Variants in RBM4 observed in about 807,000 individuals in gnomAD.
RBM4 encodes the protein RNA-binding protein 4.
A neutral mutation model predicts 29.5 loss-of-function variants in RBM4; 7 were observed. The observed-to-expected ratio is 0.24, with a 90% CI of 0.14 to 0.45. The LOEUF is 0.45. Ranked by LOEUF, RBM4 falls within the 20% of genes least tolerant of loss-of-function variation. The pLI is 1.00. For synonymous variants in RBM4, 220 were observed against 205.4 expected, an observed-to-expected ratio of 1.07 and a Z score of -0.61; for missense variants, 387 against 502.3, an observed-to-expected ratio of 0.77 and a Z score of 2.19.
At chr11:66,660,259 A>G (rs1417425764) in intron 2 of RBM4, among the ~76,000 whole-genome samples, 2 of 149,376 alleles carry the variant, frequency 1.3e-5, no homozygotes, top group East Asian at 2.0e-4. Context: ...AGCTTAGTAG[A>G]TATGTCCTCC....
In RBM4 at chr11:66,643,345, A is replaced by G; in HGVS notation, c.413-105A>G. The G allele has an allele frequency of 2.1e-6, 3 of 1,406,872 alleles. No homozygotes were observed. Among genetic ancestry groups the G allele is most frequent in the Non-Finnish European group, 2.9e-6 (3 of 1,046,746 alleles). 87.1% of individuals were successfully genotyped at this position (1,406,872 alleles called of 1,614,324 possible). On this transcript the variant is annotated intron_variant, in intron 2 of 3. Coordinates refer to ENST00000310092, the MANE Select transcript of RBM4 (RefSeq NM_002896.4). This position sits in a 1 kb window ranked among gnomAD's most constrained non-coding sequence, Gnocchi z 6.1. ...ATCTTTTCCTAAAGATGAGTCCTGC[A>G]TTAGAATTGTCTAGATAAAGCCATT... is the stretch of plus-strand genomic sequence containing the variant.
chr11:66,639,619 C>T (rs994698181), intron 1 of RBM4, 81 bp from the exon 2 acceptor site: 138 of 1,505,642 alleles, frequency 9.2e-5, no homozygotes, highest in Middle Eastern at 3.6e-4. Flanking sequence ...TGGAAATATA[C>T]ATTAGAGTGA....
At chr11:66,665,271 T>G in intron 2 of RBM4, 1 of 389,292 alleles carries the variant, frequency 2.6e-6, no homozygotes, top group Non-Finnish European at 4.7e-6. Flanking sequence ...GGGAGAAGGA[T>G]TCAACTCCTA....
chr11:66,653,430 C>T (rs1471187750), intron 2 of RBM4, among the ~76,000 whole-genome samples: 2 of 147,014 alleles, frequency 1.4e-5, no homozygotes, highest in Non-Finnish European at 3.0e-5. Context: ...GATGCGATCT[C>T]GGCTCACTGC....
chr11:66,642,354 A>AT (rs1464766130), intron 2 of RBM4, among the ~76,000 whole-genome samples: 10 of 152,140 alleles, frequency 6.6e-5, no homozygotes, highest in African/African-American at 2.4e-4. Flanking sequence ...TTTTTGCAGG[A>AT]TTTGGATCTC....
chr11:66,659,875 A>T (rs1418336099), intron 2 of RBM4, among the ~76,000 whole-genome samples: 2 of 152,134 alleles, frequency 1.3e-5, no homozygotes, highest in Non-Finnish European at 2.9e-5. Context: ...GGGTCTTCAA[A>T]GTATTCTCCA....
At chr11:66,648,514 A>ATT (rs1938757099), downstream of RBM4, among the ~76,000 whole-genome samples, 1 of 151,530 alleles carries the variant, frequency 6.6e-6, no homozygotes, top group African/African-American at 2.4e-5. Context: ...TCAAAAAAGA[A>ATT]TTTGTCTCAA....
intron 2 of RBM4, among the ~76,000 whole-genome samples, chr11:66,642,656 C>T (rs571580585): frequency 2.2e-4 from 34 of 152,284 alleles, no homozygotes; most frequent in African/African-American, 7.2e-4. Context: ...CTCCACTTTC[C>T]TCAGGCACGT....
In RBM4 at chr11:66,639,740, C is replaced by T; in HGVS notation, c.29C>T (p.Pro10Leu). MVKLFIGNL[P>L]REATEQEIRS... ...GTGAAGCTGTTCATCGGAAACCTGC[C>T]CCGGGAGGCTACAGAGCAGGAGATT... Residue 10 changes from proline to leucine, a missense_variant, in exon 2 of 4, where the codon CCC becomes CTC. By Grantham distance (98) the Pro-to-Leu change is moderately conservative. Around this residue, in one of 2 missense-constraint regions of RBM4, gnomAD observed 106 missense variants for 213.6 expected, o/e 0.50. Coordinates refer to ENST00000310092, the MANE Select transcript of RBM4 (RefSeq NM_002896.4). 1.2e-6 allele frequency: 2 copies of T among 1,614,024 alleles called. No individual in the cohort carries two copies. The highest frequency in any genetic ancestry group is 1.7e-6 in the Non-Finnish European group (2 of 1,179,952).
At chr11:66,655,493 G>A (rs1481207177) in intron 2 of RBM4, among the ~76,000 whole-genome samples, 1 of 151,928 alleles carries the variant, frequency 6.6e-6, no homozygotes, top group African/African-American at 2.4e-5. Flanking sequence ...TGTTGCCTAC[G>A]GTGCTCTTGA....
At chr11:66,645,330 A>G (rs1393409457) in intron 3 of RBM4, among the ~76,000 whole-genome samples, 1 of 152,176 alleles carries the variant, frequency 6.6e-6, no homozygotes, top group Non-Finnish European at 1.5e-5. Context: ...TGTCCCACAC[A>G]TTACCATTGA....
intron 2 of RBM4, among the ~76,000 whole-genome samples, chr11:66,662,553 C>T (rs1158354752): frequency 1.3e-5 from 2 of 152,060 alleles, no homozygotes; most frequent in Admixed American, 6.6e-5. Flanking sequence ...AGGTGCACAC[C>T]ACCATGCCCG....
intron 2 of RBM4, chr11:66,665,618 GGA>G: frequency 6.5e-7 from 1 of 1,535,764 alleles, no homozygotes; most frequent in Non-Finnish European, 8.7e-7. Context: ...CACAATGCCT[GGA>G]GAGCAGCCTG....
At chr11:66,642,254 G>A (rs1938499647) in intron 2 of RBM4, among the ~76,000 whole-genome samples, 1 of 152,178 alleles carries the variant, frequency 6.6e-6, no homozygotes, top group Non-Finnish European at 1.5e-5. Context: ...AATGTTAGAG[G>A]ATCCATTTGT....
intron 1 of RBM4, 27 bp from the exon 2 acceptor site, chr11:66,639,673 G>A: frequency 6.2e-7 from 1 of 1,604,050 alleles, no homozygotes. Context: ...GAGGTCTTTT[G>A]TCAGATGTCT....
chr11:66,643,146 G>A lies in RBM4; in HGVS notation c.413-304G>A, dbSNP rs1369599803. ...CTTTGACTTCTTTTGACTTTGAGCC[G>A]CTGTTTGGAGATGATTTTTACCTGT... On this transcript the variant is annotated intron_variant, in intron 2 of 3. Coordinates refer to ENST00000310092, the MANE Select transcript of RBM4 (RefSeq NM_002896.4). The surrounding 1 kb of genome is among the most constrained non-coding windows in gnomAD (Gnocchi z 6.1). Among the ~76,000 whole-genome samples the A allele has an allele frequency of 2.0e-5, 3 of 152,112 alleles. No individual in the cohort carries two copies. Among genetic ancestry groups the A allele is most frequent in the Non-Finnish European group, 4.4e-5 (3 of 68,016 alleles).
downstream of RBM4, among the ~76,000 whole-genome samples, chr11:66,647,882 A>G (rs1215990049): frequency 6.6e-6 from 1 of 152,128 alleles, no homozygotes; most frequent in East Asian, 1.9e-4. Flanking sequence ...CATGGATATG[A>G]TATATTTTTG....
chr11:66,643,434 C>G lies in RBM4; in HGVS notation c.413-16C>G. 6.3e-7 allele frequency: 1 copy of G among 1,588,702 alleles called. No individual in the cohort carries two copies. Reference sequence around the variant, plus strand: ...CTAAGAGTGATAGCAACCCTTCTTGCGTCTGTTTCTTCAAGGCAAACGAAT... The same window carrying G: ...CTAAGAGTGATAGCAACCCTTCTTGGGTCTGTTTCTTCAAGGCAAACGAAT... On this transcript the variant is annotated splice_polypyrimidine_tract_variant and intron_variant, in intron 2 of 3. Coordinates refer to ENST00000310092, the MANE Select transcript of RBM4 (RefSeq NM_002896.4). This position sits in a 1 kb window ranked among gnomAD's most constrained non-coding sequence, Gnocchi z 6.1.
chr11:66,662,072 G>A (rs1413341003), intron 2 of RBM4, among the ~76,000 whole-genome samples: 6 of 152,134 alleles, frequency 3.9e-5, no homozygotes, highest in Non-Finnish European at 5.9e-5. Context: ...GTACTCTTTT[G>A]GTGTGAAAGG....
Sources: gnomAD v4.1 joint callset for allele counts (sites outside exome capture counted in the v4.1 genomes callset) on GRCh38, gnomAD v4.1.1 for gene constraint, gnomAD v4.1.1 regional missense constraint, Gnocchi (gnomAD v3.1) non-coding constraint, MANE v1.5 for transcripts, NCBI Gene and HGNC (gene_info 2026-07-23, HGNC 2026-07-21) for gene names.